The following OGDH variants were observed in gnomAD, a reference collection of about 807,000 sequenced individuals.
OGDH encodes 2-oxoglutarate dehydrogenase complex component E1.
In OGDH, 38 loss-of-function variants were observed where a neutral mutation model predicts 116.6. The ratio of observed to expected loss-of-function variants is 0.33; its 90% CI spans 0.25 to 0.43. OGDH has a LOEUF of 0.43. OGDH is among the 20% of genes least tolerant of loss of function. OGDH has a pLI of 1.00. For synonymous variants in OGDH, 488 were observed against 533.3 expected, an observed-to-expected ratio of 0.92 and a Z score of 1.17; for missense variants, 825 against 1,357.2, an observed-to-expected ratio of 0.61 and a Z score of 6.16.
At chr7:44,689,081 G>A (rs189584045) in intron 10 of OGDH, among the ~76,000 whole-genome samples, 1 of 151,916 alleles carries the variant, frequency 6.6e-6, no homozygotes. Flanking sequence ...TCCTTTTCGG[G>A]TATATACGTA....
At chr7:44,625,762 G>A (rs535755558) in intron 2 of OGDH, among the ~76,000 whole-genome samples, 1 of 152,208 alleles carries the variant, frequency 6.6e-6, no homozygotes, top group South Asian at 2.1e-4. Flanking sequence ...GCTTCCACTG[G>A]GCTCCTGTAA....
intron 1 of OGDH, among the ~76,000 whole-genome samples, chr7:44,610,906 C>T (rs540312611): frequency 1.9e-4 from 29 of 152,232 alleles, no homozygotes; most frequent in African/African-American, 7.0e-4. Flanking sequence ...CCGCGCTCAG[C>T]CCCTTTTCAT....
At chr7:44,693,436 A>C (rs1585380947) in intron 10 of OGDH, among the ~76,000 whole-genome samples, 1 of 152,302 alleles carries the variant, frequency 6.6e-6, no homozygotes, top group South Asian at 2.1e-4. Context: ...GTGAGACCCT[A>C]TCTCTACAAA....
At chr7:44,671,130 AAG>A (rs1171777991) in intron 5 of OGDH, among the ~76,000 whole-genome samples, 2 of 152,126 alleles carry the variant, frequency 1.3e-5, no homozygotes, top group African/African-American at 2.4e-5. Context: ...TATAATGAAA[AAG>A]GGGTTATTTG....
chr7:44,643,586 G>C (rs1786044523), intron 2 of OGDH, among the ~76,000 whole-genome samples: 1 of 152,160 alleles, frequency 6.6e-6, no homozygotes, highest in Non-Finnish European at 1.5e-5. Context: ...CCATCTGAGT[G>C]ACGTACATCT....
At chr7:44,668,642 G>A (rs560976565) in intron 5 of OGDH, among the ~76,000 whole-genome samples, 1 of 152,052 alleles carries the variant, frequency 6.6e-6, no homozygotes, top group South Asian at 2.1e-4. Flanking sequence ...CCAGGGGGGA[G>A]TGATAAGGAT....
intron 2 of OGDH, among the ~76,000 whole-genome samples, chr7:44,638,450 A>G (rs1166347236): frequency 2.0e-5 from 3 of 152,166 alleles, no homozygotes; most frequent in African/African-American, 7.2e-5. Context: ...GTAGCATGCT[A>G]TTAGATTGTG....
intron 2 of OGDH, among the ~76,000 whole-genome samples, chr7:44,625,918 C>T (rs1012854817): frequency 2.0e-5 from 3 of 152,110 alleles, no homozygotes; most frequent in South Asian, 2.1e-4. Context: ...GGTTACAGTG[C>T]GCTGTGATGG....
chr7:44,637,797 C>T (rs944803928), intron 2 of OGDH, among the ~76,000 whole-genome samples: 4 of 149,216 alleles, frequency 2.7e-5, no homozygotes, highest in African/African-American at 9.9e-5. Context: ...CCAGCCCGGG[C>T]GATAGAGCCA....
chr7:44,678,756 C>G (rs953837533), intron 9 of OGDH, among the ~76,000 whole-genome samples: 2 of 152,226 alleles, frequency 1.3e-5, no homozygotes, highest in Non-Finnish European at 2.9e-5. Flanking sequence ...TCTGCCTGTT[C>G]TTCTTACTCC....
intron 10 of OGDH, among the ~76,000 whole-genome samples, chr7:44,691,549 A>T (rs371374164): frequency 6.7e-6 from 1 of 150,130 alleles, no homozygotes; most frequent in Admixed American, 6.6e-5. Context: ...AAAAAAAAAA[A>T]GGTTTTTGTC....
chr7:44,616,837 A>G (rs1232485681), intron 1 of OGDH, among the ~76,000 whole-genome samples: 14 of 134,068 alleles, frequency 1.0e-4, no homozygotes, highest in African/African-American at 3.6e-4. Flanking sequence ...GTATATATAC[A>G]CATATACGTG....
At chr7:44,614,617 T>G (rs1444998638) in intron 1 of OGDH, among the ~76,000 whole-genome samples, 4 of 152,150 alleles carry the variant, frequency 2.6e-5, no homozygotes, top group African/African-American at 4.8e-5. Context: ...GCTTAGTGCA[T>G]TTTTCAGTTC....
At chr7:44,646,733 A>C (rs762927921) in intron 3 of OGDH, among the ~76,000 whole-genome samples, 1 of 152,146 alleles carries the variant, frequency 6.6e-6, no homozygotes, top group Admixed American at 6.5e-5. Flanking sequence ...AAATAGTTCA[A>C]ATCAGATGCT....
At chr7:44,607,507 A>G (rs1052584608) in intron 1 of OGDH, among the ~76,000 whole-genome samples, 8 of 152,146 alleles carry the variant, frequency 5.3e-5, no homozygotes, top group African/African-American at 1.9e-4. Context: ...ATTTCCAGGT[A>G]CACTGCTCTG....
intron 2 of OGDH, among the ~76,000 whole-genome samples, chr7:44,635,402 T>C (rs1785620447): frequency 6.6e-6 from 1 of 152,060 alleles, no homozygotes; most frequent in Non-Finnish European, 1.5e-5. Context: ...TGAGCATGGG[T>C]GTGGCTCCAT....
chr7:44,694,042 A>G lies in OGDH; in HGVS notation c.1515+38A>G. On this transcript the variant is annotated intron_variant, in intron 11 of 22. Coordinates refer to ENST00000222673, the MANE Select transcript of OGDH (RefSeq NM_002541.4). This position sits in a 1 kb window ranked among gnomAD's most constrained non-coding sequence, Gnocchi z 4.2. ...GGGGACAGCACGTCCTGGGCAGAGCATCTGACCCACCCCTCTTGCCCTCGG... is the reference window on the plus strand; with the variant it reads ...GGGGACAGCACGTCCTGGGCAGAGCGTCTGACCCACCCCTCTTGCCCTCGG... 1 of 1,577,418 alleles carries G rather than the reference A, an allele frequency of 6.3e-7. No homozygotes were observed.
Position 44,645,361 on chromosome 7 carries a change from G to A in OGDH, c.257G>A (p.Gly86Glu), listed in dbSNP as rs748810372. The change falls in exon 3 of 23, where the codon GGA (glycine) becomes GAA (glutamate). Residue 86 changes from glycine to glutamate, a missense_variant. By Grantham distance (98) the Gly-to-Glu change is moderately conservative (BLOSUM62 -2). Around this residue, in one of 7 missense-constraint regions of OGDH, gnomAD observed 126 missense variants for 130.4 expected, o/e 0.97. Transcript: ENST00000222673. ...WDIFFRNTNA[G>E]APPGTAYQSP... ...ATTTTTTTTCGCAACACGAATGCCG[G>A]AGCCCCACCGGGCACTGCCTACCAG... is the stretch of plus-strand genomic sequence containing the variant. 1.2e-6 allele frequency: 2 copies of A among 1,614,046 alleles called. No individual in the cohort carries two copies. The highest frequency in any genetic ancestry group is 8.5e-7 in the Non-Finnish European group (1 of 1,179,980).
chr7:44,665,430 G>C (rs1257405368), intron 4 of OGDH, among the ~76,000 whole-genome samples: 4 of 151,932 alleles, frequency 2.6e-5, no homozygotes, highest in Non-Finnish European at 5.9e-5. Flanking sequence ...ATAAATAAAG[G>C]CTGTAGTTCC....
Sources: gnomAD v4.1 joint callset for allele counts (sites outside exome capture counted in the v4.1 genomes callset) on GRCh38, gnomAD v4.1.1 for gene constraint, gnomAD v4.1.1 regional missense constraint, Gnocchi (gnomAD v3.1) non-coding constraint, MANE v1.5 for transcripts, NCBI Gene and HGNC (gene_info 2026-07-23, HGNC 2026-07-21) for gene names.